Variants in NECTIN3 observed in about 807,000 individuals in gnomAD.
NECTIN3 encodes the protein nectin-3.
In NECTIN3, 8 loss-of-function variants were observed where a neutral mutation model predicts 49.4. The observed-to-expected ratio is 0.16, with a 90% CI of 0.10 to 0.29. The LOEUF (loss-of-function observed/expected upper bound fraction) is 0.29. Ranked by LOEUF, NECTIN3 falls within the 10% of genes least tolerant of loss-of-function variation. The probability of loss-of-function intolerance (pLI) is 1.00; values close to 1 mark genes in which losing one functional copy is unlikely to be tolerated. For missense variants in NECTIN3, 581 were observed against 654.6 expected (o/e 0.89, Z 1.23); for synonymous variants, 277 against 241.1 (o/e 1.15, Z -1.38).
chr3:111,077,186 A>T (rs2107353095), intron 1 of NECTIN3: 1 of 436,484 alleles, frequency 2.3e-6, no homozygotes, highest in East Asian at 7.0e-5. Context: ...TTTCTTTAGT[A>T]TGGCATCCAG....
chr3:111,164,279 T>C (rs2035275309), intron 7 of NECTIN3, among the ~76,000 whole-genome samples: 1 of 152,200 alleles, frequency 6.6e-6, no homozygotes, highest in African/African-American at 2.4e-5. Flanking sequence ...TACTCAAATA[T>C]AATTATATTT....
intron 1 of NECTIN3, among the ~76,000 whole-genome samples, chr3:111,092,046 T>A (rs2032302347): frequency 6.6e-6 from 1 of 152,216 alleles, no homozygotes; most frequent in Admixed American, 6.5e-5. Flanking sequence ...GCTGATGATG[T>A]TGAGCAAATT....
intron 2 of NECTIN3, among the ~76,000 whole-genome samples, chr3:111,113,616 T>G (rs2033565213): frequency 6.6e-6 from 1 of 152,152 alleles, no homozygotes; most frequent in Admixed American, 6.5e-5. Flanking sequence ...TTTAAGAGAT[T>G]GATGTTTTTG....
intron 5 of NECTIN3, among the ~76,000 whole-genome samples, chr3:111,130,571 AT>A (rs2034350010): frequency 6.6e-6 from 1 of 152,148 alleles, no homozygotes; most frequent in African/African-American, 2.4e-5. Flanking sequence ...TTGAGAAATT[AT>A]TTTTAATATA....
intron 1 of NECTIN3, among the ~76,000 whole-genome samples, chr3:111,087,125 C>G (rs914313079): frequency 6.6e-5 from 10 of 152,066 alleles, no homozygotes; most frequent in African/African-American, 2.4e-4. Context: ...ATTTCTAATA[C>G]TTTGTGGAAT....
intron 7 of NECTIN3, among the ~76,000 whole-genome samples, chr3:111,161,651 T>G (rs2035214815): frequency 6.6e-6 from 1 of 152,144 alleles, no homozygotes; most frequent in South Asian, 2.1e-4. Context: ...GGGATCTAGG[T>G]TGCATGCTCC....
intron 7 of NECTIN3, among the ~76,000 whole-genome samples, chr3:111,151,455 AAAAG>A (rs1478378629): frequency 1.3e-5 from 2 of 151,996 alleles, no homozygotes; most frequent in African/African-American, 4.8e-5. Flanking sequence ...AGAACAGAGA[AAAAG>A]AGACTATAGA....
chr3:111,109,030 A>G (rs1373035310), intron 1 of NECTIN3, among the ~76,000 whole-genome samples: 1 of 152,186 alleles, frequency 6.6e-6, no homozygotes, highest in Non-Finnish European at 1.5e-5. Context: ...TGGGAAGTCC[A>G]AGATCCATGT....
intron 7 of NECTIN3, among the ~76,000 whole-genome samples, chr3:111,175,917 T>C (rs1055043685): frequency 6.6e-6 from 1 of 152,198 alleles, no homozygotes. Context: ...AAAAATTTAT[T>C]TCCTCTACTA....
intron 5 of NECTIN3, among the ~76,000 whole-genome samples, chr3:111,128,813 C>A (rs1576141149): frequency 6.6e-6 from 1 of 152,202 alleles, no homozygotes. Flanking sequence ...TTCACTATTA[C>A]AATAACCATT....
At chr3:111,156,071 G>A (rs2035092036) in intron 7 of NECTIN3, among the ~76,000 whole-genome samples, 1 of 152,130 alleles carries the variant, frequency 6.6e-6, no homozygotes, top group South Asian at 2.1e-4. Flanking sequence ...GCCTGACGTT[G>A]AGTTGCTGAA....
At chr3:111,100,197 C>CA (rs2032822429) in intron 1 of NECTIN3, among the ~76,000 whole-genome samples, 1 of 152,060 alleles carries the variant, frequency 6.6e-6, no homozygotes, top group Non-Finnish European at 1.5e-5. Flanking sequence ...TGAATGTTGA[C>CA]ATGTGGGTAT....
chr3:111,159,478 TTTTG>T (rs1385517166), intron 7 of NECTIN3, among the ~76,000 whole-genome samples: 4 of 152,194 alleles, frequency 2.6e-5, no homozygotes, highest in African/African-American at 7.2e-5. Flanking sequence ...ATATAGTTTT[TTTTG>T]TTTGTTTTTT....
At chr3:111,159,514 T>A (rs1023558199) in intron 7 of NECTIN3, among the ~76,000 whole-genome samples, 1 of 152,178 alleles carries the variant, frequency 6.6e-6, no homozygotes, top group Non-Finnish European at 1.5e-5. Context: ...TTTTTTTAAG[T>A]GAGGAATGTG....
chr3:111,116,971 A>G (rs542625615), intron 2 of NECTIN3, among the ~76,000 whole-genome samples: 1 of 152,082 alleles, frequency 6.6e-6, no homozygotes, highest in Non-Finnish European at 1.5e-5. Context: ...AGTAGTAGCA[A>G]TTCTAGGGAT....
At position 111,128,240 on chromosome 3, in the gene NECTIN3, G is replaced by A. The variant is rs74522316; in HGVS notation, c.1069+1905G>A. 0.04 allele frequency among the ~76,000 whole-genome samples: 6,097 copies of A among 151,682 alleles called. 704 individuals carry two copies. In the East Asian group the frequency reaches 0.45, roughly 11 times the overall value. The stretch of plus-strand genomic sequence containing the variant: ...TGATCCCAGCCACTCAGGAGTCTAA[G>A]GCAGGAGAATCGCTTGAATCCGGGA... On this transcript the variant is annotated intron_variant, in intron 5 of 5. Transcript: ENST00000485303.
At chr3:111,082,630 C>T in intron 1 of NECTIN3, among the ~76,000 whole-genome samples, 1 of 152,158 alleles carries the variant, frequency 6.6e-6, no homozygotes, top group African/African-American at 2.4e-5. Context: ...GCAGAGGTCT[C>T]CAACTTTTTT....
chr3:111,176,956 G>A (rs73229199), intron 7 of NECTIN3, among the ~76,000 whole-genome samples: 15,556 of 152,158 alleles, frequency 0.1, 843 homozygotes, highest in East Asian at 0.15. Flanking sequence ...TATATAGCCT[G>A]TTGTTTTAGG....
rs1576054027 is a variant in NECTIN3, at chr3:111,071,956, A to G, written c.-62A>G. Reference sequence around the variant, plus strand: ...TTCCACAGCCTCCGCCCAGAGCCTGAGGCGCCGGGGCCGGGGGAGCCGGGG... The same window carrying G: ...TTCCACAGCCTCCGCCCAGAGCCTGGGGCGCCGGGGCCGGGGGAGCCGGGG... On this transcript the variant is annotated 5_prime_UTR_variant, in exon 1 of 6. Coordinates refer to ENST00000485303, the MANE Select transcript of NECTIN3 (RefSeq NM_015480.3). 1 of 1,128,074 alleles carries G rather than the reference A, an allele frequency of 8.9e-7. No homozygotes were observed. Among genetic ancestry groups the G allele is most frequent in the Non-Finnish European group, 1.1e-6 (1 of 879,674 alleles). 69.9% of individuals were successfully genotyped at this position (1,128,074 alleles called of 1,614,324 possible).
Sources: allele counts gnomAD v4.1 joint callset (sites outside exome capture counted in the v4.1 genomes callset), GRCh38; gene constraint gnomAD v4.1.1; transcripts MANE v1.5; gene names NCBI Gene and HGNC (gene_info 2026-07-23, HGNC 2026-07-21).